NKD2: variants seen among roughly 807,000 people sequenced by gnomAD.
NKD2 encodes NKD inhibitor of Wnt signaling pathway 2.
In NKD2, 43 loss-of-function variants were observed where a neutral mutation model predicts 34.8. The ratio of observed to expected loss-of-function variants is 1.24; its 90% CI spans 0.97 to 1.60. The LOEUF is 1.60. Ranked by LOEUF, NKD2 falls within the 40% of genes most tolerant of loss-of-function variation. NKD2 has a pLI of 0.00. For missense variants in NKD2, 675 were observed against 627.1 expected, an observed-to-expected ratio of 1.08 and a Z score of -0.82; for synonymous variants, 278 against 265.1, an observed-to-expected ratio of 1.05 and a Z score of -0.47.
intron 8 of NKD2, 155 bp from the exon 9 acceptor site, chr5:1,036,102 G>C: frequency 7.4e-7 from 1 of 1,349,438 alleles, no homozygotes; most frequent in Non-Finnish European, 9.5e-7. Context: ...TTGACTGTCT[G>C]TGCCCAGGCG....
At chr5:1,027,791 C>T (rs1309939406) in intron 3 of NKD2, among the ~76,000 whole-genome samples, 2 of 152,250 alleles carry the variant, frequency 1.3e-5, no homozygotes, top group African/African-American at 4.8e-5. Context: ...TTTGCGAGAC[C>T]TGGGAAAGGT....
chr5:1,028,138 C>T (rs7729755), intron 3 of NKD2, among the ~76,000 whole-genome samples: 3,951 of 141,236 alleles, frequency 0.028, 174 homozygotes, highest in African/African-American at 0.097. Flanking sequence ...GGGACCAGGA[C>T]GGGGGCTGGG....
chr5:1,036,409 C>G, intron 9 of NKD2, 25 bp downstream of exon 9: 5 of 1,599,850 alleles, frequency 3.1e-6, no homozygotes, highest in Non-Finnish European at 4.3e-6. Flanking sequence ...CCACCCTGGG[C>G]GTGAGGCCCT....
At position 1,038,091 on chromosome 5, in the gene NKD2, G is replaced by A. The variant is rs758345340; in HGVS notation, c.1074G>A (p.Pro358=). 1.6e-5 allele frequency: 25 copies of A among 1,604,986 alleles called. No homozygotes were observed. Among genetic ancestry groups the A allele is most frequent in the East Asian group, 9.0e-5 (4 of 44,616 alleles). The change falls in exon 10 of 10, where the codon CCG becomes CCA. Residue 358 remains proline, a synonymous_variant. Transcript: ENST00000296849. The surrounding 1 kb of genome is among the most constrained non-coding windows in gnomAD (Gnocchi z 4.5). ...KSGKAFSYYL[P]AVLPPQAPQD... ...GGAAAGCCTTCAGCTACTACCTGCCGGCCGTCCTGCCGCCCCAGGCCCCTC... is the reference window on the plus strand; with the variant it reads ...GGAAAGCCTTCAGCTACTACCTGCCAGCCGTCCTGCCGCCCCAGGCCCCTC...
chr5:1,015,402 G>T (rs1221995616), intron 3 of NKD2, among the ~76,000 whole-genome samples: 1 of 152,216 alleles, frequency 6.6e-6, no homozygotes, highest in African/African-American at 2.4e-5. Flanking sequence ...TACGGAAGCG[G>T]TAGTTCTTGA....
chr5:1,037,815 T>G lies in NKD2; in HGVS notation c.798T>G (p.Pro266=), dbSNP rs777857815. The G allele has an allele frequency of 2.5e-5, 39 of 1,575,332 alleles. No individual in the cohort carries two copies. The East Asian group carries it at 8.3e-4, about 34-fold the overall frequency. The change falls in exon 10 of 10, where the codon CCT becomes CCG. Residue 266 remains proline (P), a synonymous_variant. Coordinates refer to ENST00000296849, the MANE Select transcript of NKD2 (RefSeq NM_033120.4). Reference sequence around the variant, plus strand: ...GACCTGTGTCCGCAGGGTCCCCTCCTGTGCAAGCAAAGCAGGAGCCCCAGG... The same window carrying G: ...GACCTGTGTCCGCAGGGTCCCCTCCGGTGCAAGCAAAGCAGGAGCCCCAGG... ...YTSRFGPGSP[P]VQAKQEPQGR...
rs752313902 is a variant in NKD2 at position 1,037,922 on chromosome 5, T to C, written c.905T>C (p.Leu302Pro). Residue 302 changes from leucine (L) to proline (P), a missense_variant, in exon 10 of 10, where the codon CTG becomes CCG. Physicochemically the swap from Leu to Pro is moderately conservative, Grantham distance 98. Coordinates refer to ENST00000296849, the MANE Select transcript of NKD2 (RefSeq NM_033120.4). ...HAVHHRRSQVLVEHVVPASEP... is the reference protein window; with the variant it reads ...HAVHHRRSQVPVEHVVPASEP... ...GTACACCACCGCAGGTCACAGGTGCTGGTGGAACACGTCGTGCCAGCCTCG... is the reference window on the plus strand; with the variant it reads ...GTACACCACCGCAGGTCACAGGTGCCGGTGGAACACGTCGTGCCAGCCTCG... The C allele has an allele frequency of 1.6e-5, 25 of 1,607,546 alleles. No homozygotes were observed. Among genetic ancestry groups the C allele is most frequent in the Middle Eastern group, 1.7e-4 (1 of 6,044 alleles).
At chr5:1,032,109 C>T (rs1204744229) in intron 3 of NKD2, 43 bp from the exon 4 acceptor site, 5 of 1,542,008 alleles carry the variant, frequency 3.2e-6, no homozygotes, top group Non-Finnish European at 4.5e-6. Context: ...CCCCGCCTGC[C>T]CACTGAGCTA....
chr5:1,025,637 G>T (rs71593122), intron 3 of NKD2, among the ~76,000 whole-genome samples: 1 of 5,590 alleles, frequency 1.8e-4, no homozygotes, highest in African/African-American at 2.3e-4. Context: ...GTCCCAGCCC[G>T]TTGTCCCTGC....
chr5:1,032,075 C>A, intron 3 of NKD2, 77 bp from the exon 4 acceptor site: 2 of 1,195,656 alleles, frequency 1.7e-6, no homozygotes, highest in Non-Finnish European at 2.5e-6. Context: ...TCCAGTCCAG[C>A]CGCCCAGAGC....
rs759519236 is a variant in NKD2 at position 1,038,218 on chromosome 5, G to A, written c.1201G>A (p.Ala401Thr). The A allele has an allele frequency of 6.3e-6, 10 of 1,590,998 alleles. No homozygotes were observed. The highest frequency in any genetic ancestry group is 1.7e-5 in the Admixed American group (1 of 57,716). Residue 401 changes from alanine to threonine, a missense_variant, in exon 10 of 10, where the codon GCT becomes ACT. Transcript: ENST00000296849. The surrounding 1 kb of genome is among the most constrained non-coding windows in gnomAD (Gnocchi z 4.5). ...EGHSPLKAPH[A>T]QPATVEHEVV... Reference sequence around the variant, plus strand: ...CCACTCGCCACTCAAGGCCCCACACGCTCAGCCTGCCACAGTGGAGCACGA... The same window carrying A: ...CCACTCGCCACTCAAGGCCCCACACACTCAGCCTGCCACAGTGGAGCACGA...
intron 3 of NKD2, among the ~76,000 whole-genome samples, chr5:1,012,063 G>T (rs1390370160): frequency 6.6e-6 from 1 of 152,240 alleles, no homozygotes; most frequent in East Asian, 1.9e-4. Flanking sequence ...TTTCCAAGTG[G>T]TAGTGACTGC....
intron 3 of NKD2, 89 bp from the exon 4 acceptor site, chr5:1,032,063 G>A (rs967809139): frequency 9.5e-7 from 1 of 1,054,150 alleles, no homozygotes; most frequent in Admixed American, 1.8e-5. Flanking sequence ...CGAGTGTCAG[G>A]CTCCAGTCCA....
In NKD2 at chr5:1,034,781, T is replaced by C; in HGVS notation, c.452T>C (p.Ile151Thr). The C allele has an allele frequency of 6.2e-7, 1 of 1,612,744 alleles. No homozygotes were observed. Among genetic ancestry groups the C allele is most frequent in the South Asian group, 1.1e-5 (1 of 91,074 alleles). The part of the protein sequence containing the change: ...REDMSSLMHT[I>T]YEVVDASVNH... ...GACATGTCCAGCCTCATGCACACCATCTATGAGGTCGTGGATGCCTCGGTC... is the reference window on the plus strand; with the variant it reads ...GACATGTCCAGCCTCATGCACACCACCTATGAGGTCGTGGATGCCTCGGTC... The change falls in exon 7 of 10, where the codon ATC becomes ACC. Residue 151 changes from isoleucine to threonine, a missense_variant. Transcript: ENST00000296849.
At chr5:1,021,882 C>A (rs1015604984) in intron 3 of NKD2, among the ~76,000 whole-genome samples, 23 of 152,146 alleles carry the variant, frequency 1.5e-4, no homozygotes, top group African/African-American at 5.6e-4. Flanking sequence ...TTTAAAGAGC[C>A]TTGGAAACCA....
intron 3 of NKD2, among the ~76,000 whole-genome samples, chr5:1,019,702 G>T (rs1048504011): frequency 1.3e-5 from 2 of 152,202 alleles, no homozygotes; most frequent in Non-Finnish European, 2.9e-5. Flanking sequence ...TTTCTCTTTG[G>T]TAAGGACATC....
chr5:1,037,991 G>A lies in NKD2; in HGVS notation c.974G>A (p.Gly325Glu). 1 of 1,606,628 alleles carries A rather than the reference G, an allele frequency of 6.2e-7. No homozygotes were observed. ...CTGGACACGCAGCCCCGGCCGAAGGGGCCGGAGAAGCAGTTCCTCAAGTCC... is the reference window on the plus strand; with the variant it reads ...CTGGACACGCAGCCCCGGCCGAAGGAGCCGGAGAAGCAGTTCCTCAAGTCC... ...RALDTQPRPK[G>E]PEKQFLKSPK... Residue 325 changes from glycine (G) to glutamate (E), a missense_variant, in exon 10 of 10, where the codon GGG becomes GAG. Gly to Glu is a moderately conservative substitution (Grantham distance 98). Transcript: ENST00000296849.
At chr5:1,032,281 A>C (rs967777770) in intron 4 of NKD2, 69 bp downstream of exon 4, 2 of 1,277,486 alleles carry the variant, frequency 1.6e-6, no homozygotes, top group African/African-American at 3.0e-5. Context: ...GGCAACGCCG[A>C]AAACCACCCT....
At position 1,034,053 on chromosome 5, in the gene NKD2, T is replaced by C. The variant is rs1287067651; in HGVS notation, c.331-182T>C. ...GGGTCCCCCCAAGAAGGGCTGGAGCTGGGCAAGAAGGGGTCTGCTGGTTCA... is the reference window on the plus strand; with the variant it reads ...GGGTCCCCCCAAGAAGGGCTGGAGCCGGGCAAGAAGGGGTCTGCTGGTTCA... On this transcript the variant is annotated intron_variant, in intron 5 of 9. Coordinates refer to ENST00000296849, the MANE Select transcript of NKD2 (RefSeq NM_033120.4). 1.7e-5 allele frequency: 10 copies of C among 599,676 alleles called. No individual in the cohort carries two copies. The East Asian group carries it at 2.8e-4, about 17-fold the overall frequency. 37.1% of individuals were successfully genotyped at this position (599,676 alleles called of 1,614,324 possible).
Sources: gnomAD v4.1 joint callset for allele counts (sites outside exome capture counted in the v4.1 genomes callset) on GRCh38, gnomAD v4.1.1 for gene constraint, Gnocchi (gnomAD v3.1) non-coding constraint, MANE v1.5 for transcripts, NCBI Gene and HGNC (gene_info 2026-07-23, HGNC 2026-07-21) for gene names.